ILDR1: variants seen among roughly 807,000 people sequenced by gnomAD.
ILDR1 encodes the protein immunoglobulin like domain containing receptor 1.
In ILDR1, 56 loss-of-function variants were observed where a neutral mutation model predicts 62.4. The observed-to-expected ratio is 0.90, with a 90% confidence interval of 0.72 to 1.12. The LOEUF (loss-of-function observed/expected upper bound fraction) is 1.12. Among genes scored for constraint, ILDR1 ranks in the 50% most tolerant of loss-of-function variants. The pLI, the probability that ILDR1 is intolerant of heterozygous loss-of-function variation, is 0.00. For synonymous variants in ILDR1, 284 were observed against 277.8 expected (o/e 1.02, Z -0.22); for missense variants, 736 against 710.6 (o/e 1.04, Z -0.41).
At chr3:121,995,515 G>C (rs2071423100) in intron 5 of ILDR1, among the ~76,000 whole-genome samples, 1 of 152,200 alleles carries the variant, frequency 6.6e-6, no homozygotes, top group Admixed American at 6.5e-5. Context: ...ACAACAGGAA[G>C]TGGTTGTAAC....
At chr3:122,055,344 T>A in the ILDR1 span, 1 of 695,522 alleles carries the variant, frequency 1.4e-6, no homozygotes, top group East Asian at 2.5e-5. Context: ...TTAAAGAAAG[T>A]TAGCTGGGTA....
intron 7 of ILDR1, among the ~76,000 whole-genome samples, chr3:121,988,775 T>C (rs983397830): frequency 6.6e-6 from 1 of 152,266 alleles, no homozygotes; most frequent in African/African-American, 2.4e-5. Context: ...CATGAAGACA[T>C]TGCTCAGTTC....
chr3:122,040,748 A>C, the ILDR1 span, among the ~76,000 whole-genome samples: 22 of 151,434 alleles, frequency 1.5e-4, no homozygotes, highest in Admixed American at 3.9e-4. Context: ...AAAAAAAAAA[A>C]ACAAGAATTA....
intron 1 of ILDR1, among the ~76,000 whole-genome samples, chr3:122,012,914 C>T (rs1026350477): frequency 6.6e-6 from 1 of 152,176 alleles, no homozygotes; most frequent in African/African-American, 2.4e-5. Flanking sequence ...CTGGTGGACT[C>T]ATTCACAGCT....
the ILDR1 span, among the ~76,000 whole-genome samples, chr3:122,036,339 C>A: frequency 6.6e-6 from 1 of 152,028 alleles, no homozygotes; most frequent in Non-Finnish European, 1.5e-5. Flanking sequence ...CCTGTAATCC[C>A]AGCACTTTGG....
chr3:122,036,455 G>C, the ILDR1 span, among the ~76,000 whole-genome samples: 1 of 152,004 alleles, frequency 6.6e-6, no homozygotes, highest in African/African-American at 2.4e-5. Flanking sequence ...CAGGCATGGT[G>C]GTGGGCACCT....
chr3:122,010,579 C>T (rs1048966531), intron 1 of ILDR1, among the ~76,000 whole-genome samples: 1 of 152,160 alleles, frequency 6.6e-6, no homozygotes, highest in African/African-American at 2.4e-5. Flanking sequence ...GGTTCTTGTT[C>T]TTTCTCTGTG....
rs1183661317 is a variant in ILDR1 at position 121,993,324 on chromosome 3, G to T, written c.1425C>A (p.Gly475=). ...CCTCTTCAGAGCTCCAGGAACTGAG[G>T]CCGGAGGGCAAGGGAGGAGAGTAGC... ...HRSYSPPLPS[G]LSSWSSEEDK... is the part of the protein sequence containing the mutation. Residue 475 remains glycine (G), a synonymous_variant, in exon 7 of 8, where the codon GGC becomes GGA. Coordinates refer to ENST00000344209, the MANE Select transcript of ILDR1 (RefSeq NM_001199799.2). 6.2e-7 allele frequency: 1 copy of T among 1,611,752 alleles called. No individual in the cohort carries two copies. The highest frequency in any genetic ancestry group is 8.5e-7 in the Non-Finnish European group (1 of 1,178,340).
intron 3 of ILDR1, among the ~76,000 whole-genome samples, 167 bp from the exon 4 acceptor site, chr3:122,002,031 T>C (rs1414483552): frequency 6.6e-6 from 1 of 152,136 alleles, no homozygotes; most frequent in Admixed American, 6.5e-5. Flanking sequence ...TCCCAGCTTC[T>C]CTGGAGACCG....
At chr3:122,017,108 C>A (rs151194702) in intron 1 of ILDR1, among the ~76,000 whole-genome samples, 1 of 151,822 alleles carries the variant, frequency 6.6e-6, no homozygotes, top group African/African-American at 2.4e-5. Flanking sequence ...AGTGAAATGG[C>A]GCGATCTCGG....
chr3:122,016,255 C>T (rs1028323088), intron 1 of ILDR1, among the ~76,000 whole-genome samples: 6 of 152,226 alleles, frequency 3.9e-5, no homozygotes, highest in Admixed American at 3.3e-4. Flanking sequence ...GAGCAAAATC[C>T]ATCTACTAAG....
chr3:122,024,970 T>C (rs1009807808), upstream of ILDR1, among the ~76,000 whole-genome samples: 2 of 152,332 alleles, frequency 1.3e-5, no homozygotes, highest in South Asian at 4.1e-4. Context: ...ATCCCACAGC[T>C]CTGGGCTCTC....
chr3:122,025,499 C>G (rs986003518), upstream of ILDR1, among the ~76,000 whole-genome samples: 6 of 152,174 alleles, frequency 3.9e-5, no homozygotes, highest in African/African-American at 7.2e-5. Flanking sequence ...ACACAATACC[C>G]TTCACCACCC....
chr3:122,056,805 T>G, the ILDR1 span, among the ~76,000 whole-genome samples: 4 of 152,180 alleles, frequency 2.6e-5, no homozygotes, highest in East Asian at 7.7e-4. Context: ...TATACTTGTA[T>G]GAAGAAAAAA....
At chr3:122,015,631 C>A (rs2071765976) in intron 1 of ILDR1, among the ~76,000 whole-genome samples, 1 of 152,184 alleles carries the variant, frequency 6.6e-6, no homozygotes, top group Non-Finnish European at 1.5e-5. Flanking sequence ...GTTTGCTTCC[C>A]CTTCTGCCAT....
At chr3:122,003,525 G>A (rs1429647626) in intron 3 of ILDR1, among the ~76,000 whole-genome samples, 1 of 152,176 alleles carries the variant, frequency 6.6e-6, no homozygotes. Flanking sequence ...AGGGGTGTCA[G>A]AGTAAGAAGA....
the ILDR1 span, among the ~76,000 whole-genome samples, chr3:122,033,692 T>C: frequency 1.1e-4 from 16 of 152,196 alleles, no homozygotes; most frequent in Admixed American, 9.8e-4. Flanking sequence ...AGTTTAATTA[T>C]TGTTTCTCTT....
chr3:121,993,048 T>C (rs2071373015), intron 7 of ILDR1, 102 bp downstream of exon 7: 8 of 975,620 alleles, frequency 8.2e-6, no homozygotes, highest in Admixed American at 4.0e-5. Context: ...GGAGGCACCC[T>C]CTGTGGTGGA....
chr3:122,046,707 G>A, the ILDR1 span, among the ~76,000 whole-genome samples: 9 of 142,522 alleles, frequency 6.3e-5, 1 homozygote, highest in East Asian at 2.1e-4. Context: ...CCAGTTGATC[G>A]CATTGGCTCC....
Sources: allele counts gnomAD v4.1 joint callset (sites outside exome capture counted in the v4.1 genomes callset), GRCh38; gene constraint gnomAD v4.1.1; transcripts MANE v1.5; gene names NCBI Gene and HGNC (gene_info 2026-07-23, HGNC 2026-07-21).